The following ATP2B2 variants were observed in gnomAD, a reference collection of about 807,000 sequenced individuals.
ATP2B2 encodes the protein plasma membrane calcium-transporting ATPase 2.
A neutral mutation model predicts 120.0 loss-of-function variants in ATP2B2; 15 were observed. The observed-to-expected ratio is 0.12, with a 90% confidence interval of 0.08 to 0.19. The LOEUF (loss-of-function observed/expected upper bound fraction) is 0.19. Ranked by LOEUF, ATP2B2 falls within the 10% of genes least tolerant of loss-of-function variation. ATP2B2 has a pLI of 1.00. For missense variants in ATP2B2, 1,045 were observed against 1,719.8 expected, an observed-to-expected ratio of 0.61 and a Z score of 6.94; for synonymous variants, 694 against 700.3, an observed-to-expected ratio of 0.99 and a Z score of 0.14.
Position 10,326,624 on chromosome 3 carries a change from G to A in ATP2B2, c.*2190C>T, listed in dbSNP as rs1049517373. ...AGAGCAGTGGGCTGGCTTTGGTGGC[G>A]TTTGTACTGGAATCCAATAAGCACA... On this transcript the variant is annotated 3_prime_UTR_variant, in exon 23 of 23. Coordinates refer to ENST00000360273, the MANE Select transcript of ATP2B2 (RefSeq NM_001001331.4). The A allele has an allele frequency of 8.3e-5, 33 of 398,464 alleles. No homozygotes were observed. The highest frequency in any genetic ancestry group is 4.6e-4 in the East Asian group (13 of 28,094). 24.7% of individuals were successfully genotyped at this position (398,464 alleles called of 1,614,324 possible). A position where few individuals can be genotyped will look rare whatever the true frequency, so the allele number is the denominator to read the frequency against.
At chr3:10,372,607 T>A (rs1263870250) in intron 11 of ATP2B2, among the ~76,000 whole-genome samples, 1 of 152,200 alleles carries the variant, frequency 6.6e-6, no homozygotes, top group Non-Finnish European at 1.5e-5. Flanking sequence ...TTTCTATGAC[T>A]AACATATATC....
chr3:10,414,396 G>T (rs913548251), intron 2 of ATP2B2, among the ~76,000 whole-genome samples: 27 of 152,200 alleles, frequency 1.8e-4, no homozygotes, highest in Admixed American at 1.8e-3. Context: ...CAGAGCAGGG[G>T]CTGCAAATTT....
intron 6 of ATP2B2, 59 bp downstream of exon 6, chr3:10,388,218 C>T (rs745500622): frequency 7.7e-6 from 11 of 1,431,868 alleles, no homozygotes; most frequent in African/African-American, 1.4e-5. Context: ...AACAAATAAA[C>T]AAAAAAAAAA....
At chr3:10,621,479 G>A (rs1342295805) in intron 1 of ATP2B2, among the ~76,000 whole-genome samples, 2 of 152,232 alleles carry the variant, frequency 1.3e-5, no homozygotes, top group Non-Finnish European at 2.9e-5. Context: ...TCCAGCAACT[G>A]CTTTGTATAG....
chr3:10,384,714 C>T (rs946603348), intron 8 of ATP2B2, among the ~76,000 whole-genome samples: 1 of 152,240 alleles, frequency 6.6e-6, no homozygotes, highest in Admixed American at 6.5e-5. Flanking sequence ...CCAAGCGAAC[C>T]CCCTGCCCGT....
chr3:10,534,527 A>G (rs774868956), intron 2 of ATP2B2, among the ~76,000 whole-genome samples: 16 of 152,248 alleles, frequency 1.1e-4, no homozygotes, highest in Non-Finnish European at 1.9e-4. Flanking sequence ...AACACTTTAC[A>G]TAAATTATCT....
intron 1 of ATP2B2, among the ~76,000 whole-genome samples, chr3:10,495,461 G>C (rs1243986913): frequency 1.3e-5 from 2 of 152,212 alleles, no homozygotes; most frequent in Non-Finnish European, 2.9e-5. Context: ...GCAGTGGTGA[G>C]AGTAAAGGAA....
chr3:10,465,393 C>A (rs2064692414), intron 1 of ATP2B2, among the ~76,000 whole-genome samples: 1 of 152,240 alleles, frequency 6.6e-6, no homozygotes, highest in South Asian at 2.1e-4. Flanking sequence ...TGATGACAGG[C>A]AACTTGGCAG....
intron 7 of ATP2B2, among the ~76,000 whole-genome samples, 199 bp from the exon 8 acceptor site, chr3:10,385,526 AC>A (rs1467932611): frequency 6.6e-6 from 1 of 152,030 alleles, no homozygotes; most frequent in African/African-American, 2.4e-5. Context: ...GAGGGGAGAA[AC>A]TCAGACATGG....
chr3:10,452,327 A>G (rs767941270), intron 1 of ATP2B2, among the ~76,000 whole-genome samples: 2 of 152,190 alleles, frequency 1.3e-5, no homozygotes, highest in Admixed American at 6.5e-5. Flanking sequence ...TCCCCCTGCT[A>G]CAAGCTAGTG....
chr3:10,472,548 A>G (rs2065057132), intron 1 of ATP2B2, among the ~76,000 whole-genome samples: 1 of 152,146 alleles, frequency 6.6e-6, no homozygotes, highest in Non-Finnish European at 1.5e-5. Context: ...CAGCCAAAAC[A>G]CACCGCTCTT....
intron 16 of ATP2B2, among the ~76,000 whole-genome samples, chr3:10,348,259 A>G (rs912929488): frequency 1.3e-5 from 2 of 151,922 alleles, no homozygotes; most frequent in Non-Finnish European, 2.9e-5. Flanking sequence ...CCACTACCCA[A>G]ACTTTCTCAG....
chr3:10,647,119 C>T (rs777963949), intron 1 of ATP2B2, among the ~76,000 whole-genome samples: 6 of 152,016 alleles, frequency 3.9e-5, no homozygotes, highest in Admixed American at 6.5e-5. Context: ...TGCAGTACAA[C>T]GATTTGGGAA....
chr3:10,466,206 T>C (rs935848491), intron 1 of ATP2B2, among the ~76,000 whole-genome samples: 1 of 152,244 alleles, frequency 6.6e-6, no homozygotes, highest in Non-Finnish European at 1.5e-5. Context: ...ATTTTCTTCA[T>C]GCTAACAATT....
chr3:10,471,114 T>A (rs2064972419), intron 1 of ATP2B2, among the ~76,000 whole-genome samples: 1 of 152,130 alleles, frequency 6.6e-6, no homozygotes, highest in African/African-American at 2.4e-5. Context: ...ACCTGCCCAG[T>A]CCAACTTGCC....
chr3:10,662,811 T>A (rs1199341488), intron 1 of ATP2B2, among the ~76,000 whole-genome samples: 1 of 152,096 alleles, frequency 6.6e-6, no homozygotes, highest in Admixed American at 6.5e-5. Flanking sequence ...ATTGCGGCAC[T>A]ATTCACAATA....
intron 2 of ATP2B2, among the ~76,000 whole-genome samples, chr3:10,561,357 C>T (rs538347998): frequency 2.6e-4 from 39 of 152,312 alleles, no homozygotes; most frequent in African/African-American, 9.1e-4. Context: ...GAGACATGTG[C>T]TATGTTGCAT....
chr3:10,529,927 G>A (rs1206178158), intron 3 of ATP2B2, among the ~76,000 whole-genome samples: 5 of 152,126 alleles, frequency 3.3e-5, no homozygotes, highest in South Asian at 2.1e-4. Flanking sequence ...AAAGATGGCC[G>A]GCGAACCACT....
At chr3:10,574,876 G>A (rs1575513015) in intron 2 of ATP2B2, among the ~76,000 whole-genome samples, 1 of 152,252 alleles carries the variant, frequency 6.6e-6, no homozygotes, top group East Asian at 1.9e-4. Flanking sequence ...CCGGTGAGGA[G>A]GGGGATATGA....
Sources: allele counts gnomAD v4.1 joint callset (sites outside exome capture counted in the v4.1 genomes callset), GRCh38; gene constraint gnomAD v4.1.1; transcripts MANE v1.5; gene names NCBI Gene and HGNC (gene_info 2026-07-23, HGNC 2026-07-21).